Variants in GPLD1 observed in about 807,000 individuals in gnomAD.
GPLD1 encodes phosphatidylinositol-glycan-specific phospholipase D.
GPLD1 carries 84 observed loss-of-function variants against 112.6 expected under a neutral mutation model. The observed-to-expected ratio is 0.75, with a 90% CI of 0.63 to 0.89. GPLD1 has a LOEUF of 0.89. Ranked by LOEUF, GPLD1 falls within the 40% of genes least tolerant of loss-of-function variation. GPLD1 has a pLI of 0.00. For synonymous variants in GPLD1, 386 were observed against 403.8 expected (o/e 0.96, Z 0.53); for missense variants, 1,044 against 1,051.5 (o/e 0.99, Z 0.10).
intron 20 of GPLD1, among the ~76,000 whole-genome samples, chr6:24,440,723 T>TAA (rs34313464): frequency 7.4e-4 from 103 of 139,694 alleles, no homozygotes; most frequent in Non-Finnish European, 1.3e-3. Flanking sequence ...CTCCAACTAT[T>TAA]AAAAAAAAAA....
intron 22 of GPLD1, chr6:24,435,833 A>AAAAAAAAAAAAAAAAAT (rs1762558924): frequency 6.7e-6 from 1 of 148,712 alleles, no homozygotes; most frequent in Non-Finnish European, 1.5e-5. Context: ...TCAAAAAAAA[A>AAAAAAAAAAAAAAAAAT]AAAAAAAAAA....
chr6:24,451,997 T>C (rs549246120), intron 14 of GPLD1, among the ~76,000 whole-genome samples: 51 of 152,206 alleles, frequency 3.4e-4, no homozygotes, highest in African/African-American at 1.2e-3. Context: ...AGGCCTTGAG[T>C]TTCCTATCAT....
At position 24,449,656 on chromosome 6, in the gene GPLD1, T is replaced by C. The variant is rs761483089; in HGVS notation, c.1446+133A>G. On this transcript the variant is annotated intron_variant, in intron 15 of 24. Coordinates refer to ENST00000230036, the MANE Select transcript of GPLD1 (RefSeq NM_001503.4). ...AGAACCCCATAGGGGCCTGAGATTA[T>C]CTGCTCACAAATGCTCTGTCTCACA... The C allele has an allele frequency of 3.2e-4, 204 of 644,648 alleles. 1 individual carries two copies. The highest frequency in any genetic ancestry group is 3.7e-4 in the South Asian group (19 of 51,332). 39.9% of individuals were successfully genotyped at this position (644,648 alleles called of 1,614,324 possible). A position where few individuals can be genotyped will look rare whatever the true frequency, so the allele number is the denominator to read the frequency against.
intron 10 of GPLD1, among the ~76,000 whole-genome samples, chr6:24,464,679 G>A (rs9467176): frequency 0.23 from 34,377 of 152,134 alleles, 5,636 homozygotes; most frequent in African/African-American, 0.46. Context: ...TCCAACTTAT[G>A]AACAGCTAAC....
At chr6:24,494,389 T>C (rs573376744), upstream of GPLD1, among the ~76,000 whole-genome samples, 35 of 152,242 alleles carry the variant, frequency 2.3e-4, no homozygotes, top group African/African-American at 8.2e-4. Context: ...GGAGCAACCC[T>C]AGGAGAATGC....
intron 20 of GPLD1, among the ~76,000 whole-genome samples, chr6:24,438,594 C>G (rs1224121335): frequency 6.6e-6 from 1 of 152,178 alleles, no homozygotes; most frequent in Non-Finnish European, 1.5e-5. Flanking sequence ...TCAGATATAA[C>G]AGCTAGAAAA....
chr6:24,444,610 G>C (rs1295606818), intron 20 of GPLD1, among the ~76,000 whole-genome samples: 1 of 151,952 alleles, frequency 6.6e-6, no homozygotes, highest in African/African-American at 2.4e-5. Context: ...CAGCACTTTG[G>C]GAGACCAAGG....
chr6:24,483,935 G>T (rs1336551993), intron 2 of GPLD1, among the ~76,000 whole-genome samples: 1 of 151,132 alleles, frequency 6.6e-6, no homozygotes, highest in African/African-American at 2.4e-5. Flanking sequence ...TTTTGAGATG[G>T]AGTCTCACTC....
At chr6:24,455,601 A>T (rs1164746914) in intron 13 of GPLD1, among the ~76,000 whole-genome samples, 2 of 152,176 alleles carry the variant, frequency 1.3e-5, no homozygotes, top group African/African-American at 2.4e-5. Context: ...AATTCCTAAC[A>T]TTCTCTTTAT....
In GPLD1 at chr6:24,436,747, T is replaced by C. The variant is rs551617093; in HGVS notation, c.2198-11A>G. 18 of 1,611,342 alleles carry C rather than the reference T, an allele frequency of 1.1e-5. No homozygotes were observed. The highest frequency in any genetic ancestry group is 1.5e-5 in the Non-Finnish European group (18 of 1,179,146). ...CCATGATGATTTCATCTGAAAACAATAAAAACCGACAGAAGGAAGTATTTG... is the reference window on the plus strand; with the variant it reads ...CCATGATGATTTCATCTGAAAACAACAAAAACCGACAGAAGGAAGTATTTG... On this transcript the variant is annotated splice_polypyrimidine_tract_variant and intron_variant, in intron 21 of 24. Coordinates refer to ENST00000230036, the MANE Select transcript of GPLD1 (RefSeq NM_001503.4).
At chr6:24,436,178 C>T (rs372487372) in intron 22 of GPLD1, among the ~76,000 whole-genome samples, 1 of 152,094 alleles carries the variant, frequency 6.6e-6, no homozygotes, top group African/African-American at 2.4e-5. Context: ...ATCACCTGAG[C>T]CCAGGAGTTT....
At chr6:24,478,628 G>A (rs1331481017) in intron 3 of GPLD1, among the ~76,000 whole-genome samples, 1 of 152,094 alleles carries the variant, frequency 6.6e-6, no homozygotes, top group Non-Finnish European at 1.5e-5. Context: ...AAAGAGAACT[G>A]ACAGATCAGA....
chr6:24,484,676 T>C (rs1001844790), intron 2 of GPLD1, among the ~76,000 whole-genome samples: 3 of 152,240 alleles, frequency 2.0e-5, no homozygotes, highest in African/African-American at 4.8e-5. Context: ...TGATTGTTCA[T>C]GTGATGAATT....
Position 24,456,620 on chromosome 6 carries a change from GATAAAGGACATGGAATCCTGAA to G in GPLD1, c.1009-5_1025del, listed in dbSNP as rs1471352164. On this transcript the variant is annotated splice_acceptor_variant and splice_polypyrimidine_tract_variant and coding_sequence_variant and intron_variant, in exon 13 of 25. Coordinates refer to ENST00000230036, the MANE Select transcript of GPLD1 (RefSeq NM_001503.4). LOFTEE classifies it high-confidence loss of function. ...TTATGTTCCTTTCCAAAGCCTTGTA[GATAAAGGACATGGAATCCTGAA>G]ATAAAAGAATCATTATAGACAGTAA... 1 of 1,601,094 alleles carries G rather than the reference GATAAAGGACATGGAATCCTGAA, an allele frequency of 6.2e-7. No individual in the cohort carries two copies. The highest frequency in any genetic ancestry group is 1.7e-5 in the Admixed American group (1 of 58,446).
chr6:24,429,035 A>G lies in GPLD1; in HGVS notation c.2520T>C (p.Asp840=), dbSNP rs377243342. The G allele has an allele frequency of 6.8e-6, 11 of 1,607,566 alleles. No homozygotes were observed. The highest frequency in any genetic ancestry group is 2.2e-5 in the South Asian group (2 of 90,660). Residue 840 remains aspartate (D), a synonymous_variant, in exon 25 of 25, where the codon GAT becomes GAC. Transcript: ENST00000230036. The stretch of plus-strand genomic sequence containing the variant: ...GTGGGGAAATGCAGTGAAATCTTCA[A>G]TCTGAGCCAAGGCTATAGACGTGAA... ...GALHVYSLGS[D]
In GPLD1 at chr6:24,475,103, A is replaced by G. The variant is rs1354213783; in HGVS notation, c.441+18T>C. 1 of 1,252,716 alleles carries G rather than the reference A, an allele frequency of 8.0e-7. No individual in the cohort carries two copies. The highest frequency in any genetic ancestry group is 1.5e-5 in the African/African-American group (1 of 68,002). The allele number at this position is 1,252,716 out of a possible 1,614,324, so 77.6% of individuals were successfully genotyped here. On this transcript the variant is annotated intron_variant, in intron 5 of 24. Transcript: ENST00000230036. The stretch of plus-strand genomic sequence containing the variant: ...TATCACTCCCATAAAGTCATTCCCC[A>G]TAAAGGGATGTACTCACAGCTCCCA...
intron 13 of GPLD1, among the ~76,000 whole-genome samples, chr6:24,455,934 G>C (rs541522665): frequency 7.2e-5 from 11 of 152,246 alleles, no homozygotes; most frequent in South Asian, 6.2e-4. Flanking sequence ...CAGCACTTTG[G>C]GGGGCTGAGG....
At chr6:24,450,017 G>A (rs879430738) in intron 14 of GPLD1, 118 bp from the exon 15 acceptor site, 11 of 636,708 alleles carry the variant, frequency 1.7e-5, no homozygotes, top group African/African-American at 5.5e-5. Flanking sequence ...CCCAAAAGCC[G>A]AAGGTGCAGT....
In GPLD1 at chr6:24,466,752, C is replaced by A. The variant is rs1012521523; in HGVS notation, c.749G>T (p.Gly250Val). 4.3e-6 allele frequency: 7 copies of A among 1,609,660 alleles called. No individual in the cohort carries two copies. The highest frequency in any genetic ancestry group is 6.0e-6 in the Non-Finnish European group (7 of 1,176,144). ...VEQFQEYFLG[G>V]LDDMAFWSTN... is the part of the protein sequence containing the mutation. ...GGACCAAAATGCCATATCATCCAGT[C>A]CTCCAAGAAAATACTCTTGGAATTG... The change falls in exon 10 of 25, where the codon GGA becomes GTA. Residue 250 changes from glycine (G) to valine (V), a missense_variant. Gly to Val is a moderately radical substitution (Grantham distance 109). Transcript: ENST00000230036.
Sources: gnomAD v4.1 joint callset for allele counts (sites outside exome capture counted in the v4.1 genomes callset) on GRCh38, gnomAD v4.1.1 for gene constraint, MANE v1.5 for transcripts, NCBI Gene and HGNC (gene_info 2026-07-23, HGNC 2026-07-21) for gene names.